CLCF1: variants seen among roughly 807,000 people sequenced by gnomAD.
CLCF1 encodes cardiotrophin-like cytokine factor 1.
Under a neutral mutation model 21.2 loss-of-function variants are expected in CLCF1, and 10 were observed. That is an observed-to-expected ratio of 0.47 (90% CI 0.29 to 0.80). CLCF1 has a LOEUF of 0.80. CLCF1 is among the 30% of genes least tolerant of loss of function. The probability of loss-of-function intolerance (pLI) is 0.09; values close to 1 mark genes in which losing one functional copy is unlikely to be tolerated. For synonymous variants in CLCF1, 115 were observed against 120.5 expected, an observed-to-expected ratio of 0.95 and a Z score of 0.30; for missense variants, 240 against 293.4, an observed-to-expected ratio of 0.82 and a Z score of 1.33.
chr11:67,365,502 G>A lies in CLCF1; in HGVS notation c.312C>T (p.Thr104=), dbSNP rs1258616822. 1.9e-6 allele frequency: 3 copies of A among 1,614,010 alleles called. No individual in the cohort carries two copies. The highest frequency in any genetic ancestry group is 2.5e-6 in the Non-Finnish European group (3 of 1,179,978). ...GGTGGCTGTAGGCCTCGTAGTTCTG[G>A]GTCAGCCGCAGTTTGTCATTGAGGC... ...WRSLNDKLRL[T]QNYEAYSHLL... Residue 104 remains threonine, a synonymous_variant, in exon 3 of 3, where the codon ACC becomes ACT. Transcript: ENST00000312438. The surrounding 1 kb of genome is among the most constrained non-coding windows in gnomAD (Gnocchi z 5.0).
rs372255151 is a variant in CLCF1, at chr11:67,367,501, G to C, written c.142C>G (p.Arg48Gly). ...CTGCGGAGTTGGTGCTCCAGGTAGC[G>C]GGTGAGGTCATAGGTTTTCTGGATG... is the stretch of plus-strand genomic sequence containing the variant. ...PSIQKTYDLTRYLEHQLRSLA... is the reference protein window; with the variant it reads ...PSIQKTYDLTGYLEHQLRSLA... Residue 48 changes from arginine (R) to glycine (G), a missense_variant, in exon 2 of 3, where the codon CGC becomes GGC. Coordinates refer to ENST00000312438, the MANE Select transcript of CLCF1 (RefSeq NM_013246.3). 1 of 1,614,224 alleles carries C rather than the reference G, an allele frequency of 6.2e-7. No homozygotes were observed. The highest frequency in any genetic ancestry group is 8.5e-7 in the Non-Finnish European group (1 of 1,180,030).
At chr11:67,366,822 G>T (rs1009414818) in intron 2 of CLCF1, among the ~76,000 whole-genome samples, 4 of 152,110 alleles carry the variant, frequency 2.6e-5, no homozygotes, top group African/African-American at 4.8e-5. Flanking sequence ...GGAAGAGGGG[G>T]CCGGTTCCCC....
chr11:67,365,484 G>A lies in CLCF1; in HGVS notation c.330C>T (p.Tyr110=). The A allele has an allele frequency of 6.2e-7, 1 of 1,614,136 alleles. No individual in the cohort carries two copies. Among genetic ancestry groups the A allele is most frequent in the Non-Finnish European group, 8.5e-7 (1 of 1,179,968 alleles). ...KLRLTQNYEA[Y]SHLLCYLRGL... Reference sequence around the variant, plus strand: ...CACGCAAGTAACACAGAAGGTGGCTGTAGGCCTCGTAGTTCTGGGTCAGCC... The same window carrying A: ...CACGCAAGTAACACAGAAGGTGGCTATAGGCCTCGTAGTTCTGGGTCAGCC... Residue 110 remains tyrosine (Y), a synonymous_variant, in exon 3 of 3, where the codon TAC becomes TAT. Transcript: ENST00000312438. The surrounding 1 kb of genome is among the most constrained non-coding windows in gnomAD (Gnocchi z 5.0).
chr11:67,368,910 TC>T (rs1268619844), intron 1 of CLCF1: 5 of 872,306 alleles, frequency 5.7e-6, no homozygotes, highest in African/African-American at 2.9e-5. Context: ...TCTTTTTTTT[TC>T]CTTTTTTTTT....
At chr11:67,371,561 C>G (rs376939775) in intron 1 of CLCF1, among the ~76,000 whole-genome samples, 13 of 152,158 alleles carry the variant, frequency 8.5e-5, no homozygotes, top group African/African-American at 3.1e-4. Flanking sequence ...AGGAGTTGGG[C>G]TTTGGCTGGA....
At position 67,365,798 on chromosome 11, in the gene CLCF1, A is replaced by T. The variant is rs1207631792; in HGVS notation, c.184-168T>A. ...CTCCCTGAGTTTTTCCAATAAGGAT[A>T]TCATTTGTATGCAGGTGACAGTTGA... On this transcript the variant is annotated intron_variant, in intron 2 of 2. Coordinates refer to ENST00000312438, the MANE Select transcript of CLCF1 (RefSeq NM_013246.3). This position sits in a 1 kb window ranked among gnomAD's most constrained non-coding sequence, Gnocchi z 5.0. Among the ~76,000 whole-genome samples, 2 of 152,202 alleles carry T rather than the reference A, an allele frequency of 1.3e-5. No individual in the cohort carries two copies. The highest frequency in any genetic ancestry group is 4.8e-5 in the African/African-American group (2 of 41,456).
chr11:67,372,928 G>A lies in CLCF1; in HGVS notation c.16+596C>T, dbSNP rs2134903937. Among the ~76,000 whole-genome samples, 1 of 150,090 alleles carries A rather than the reference G, an allele frequency of 6.7e-6. No homozygotes were observed. The highest frequency in any genetic ancestry group is 3.4e-3 in the Middle Eastern group (1 of 292). On this transcript the variant is annotated intron_variant, in intron 1 of 2. Coordinates refer to ENST00000312438, the MANE Select transcript of CLCF1 (RefSeq NM_013246.3). The surrounding 1 kb of genome is among the most constrained non-coding windows in gnomAD (Gnocchi z 5.9). ...TTCCGGCCGCGCGGCGCGTAGCTAG[G>A]AAGCCGCGAGTCCCGCGGCGCGGCT...
At position 67,372,324 on chromosome 11, in the gene CLCF1, A is replaced by C. The variant is rs1236294298; in HGVS notation, c.16+1200T>G. On this transcript the variant is annotated intron_variant, in intron 1 of 2. Coordinates refer to ENST00000312438, the MANE Select transcript of CLCF1 (RefSeq NM_013246.3). The surrounding 1 kb of genome is among the most constrained non-coding windows in gnomAD (Gnocchi z 5.9). ...GCTGGGGGAACAGGGGTCCTCTGGG[A>C]TTGGGAGGGTCTGTGGGGAGGGCTC... 1.3e-5 allele frequency among the ~76,000 whole-genome samples: 2 copies of C among 151,462 alleles called. No homozygotes were observed. The highest frequency in any genetic ancestry group is 4.9e-5 in the African/African-American group (2 of 41,220).
chr11:67,371,422 C>T (rs926129055), intron 1 of CLCF1, among the ~76,000 whole-genome samples: 1 of 151,964 alleles, frequency 6.6e-6, no homozygotes, highest in African/African-American at 2.4e-5. Flanking sequence ...CTCTCCTCTC[C>T]TCTCCAGCAT....
At chr11:67,367,662 C>G in intron 1 of CLCF1, 36 bp from the exon 2 acceptor site, 1 of 1,603,558 alleles carries the variant, frequency 6.2e-7, no homozygotes, top group Non-Finnish European at 8.5e-7. Context: ...TGAGCGCGGC[C>G]CGGGCCCACA....
In CLCF1 at chr11:67,365,206, T is replaced by C. The variant is rs369390178; in HGVS notation, c.608A>G (p.Asn203Ser). Residue 203 changes from asparagine to serine, a missense_variant, in exon 3 of 3, where the codon AAC becomes AGC. Coordinates refer to ENST00000312438, the MANE Select transcript of CLCF1 (RefSeq NM_013246.3). The surrounding 1 kb of genome is among the most constrained non-coding windows in gnomAD (Gnocchi z 5.0). ...AGGCTGCATCTTCTTCTTGAGCCGGTTGAAGTCCTTGGCCGAGCGCCACAG... is the reference window on the plus strand; with the variant it reads ...AGGCTGCATCTTCTTCTTGAGCCGGCTGAAGTCCTTGGCCGAGCGCCACAG... ...TWLWRSAKDF[N>S]RLKKKMQPPA... 12 of 1,613,984 alleles carry C rather than the reference T, an allele frequency of 7.4e-6. No individual in the cohort carries two copies. Among genetic ancestry groups the C allele is most frequent in the African/African-American group, 4.0e-5 (3 of 75,036 alleles).
rs75848110 is a variant in CLCF1, at chr11:67,371,436, C to G, written c.16+2088G>C. Among the ~76,000 whole-genome samples the G allele has an allele frequency of 7.6e-3, 1,151 of 152,350 alleles. 13 individuals carry two copies. The highest frequency in any genetic ancestry group is 0.026 in the African/African-American group (1,077 of 41,570). On this transcript the variant is annotated intron_variant, in intron 1 of 2. Coordinates refer to ENST00000312438, the MANE Select transcript of CLCF1 (RefSeq NM_013246.3). ...TCTCTCCTCTCCTCTCCAGCATCCC[C>G]CTTTGTGCCCTTCTCCTCCAGCCTA...
intron 1 of CLCF1, chr11:67,367,933 T>G: frequency 2.0e-6 from 2 of 985,390 alleles, no homozygotes; most frequent in Non-Finnish European, 2.4e-6. Flanking sequence ...TGTGCCAACA[T>G]GTATATGTGT....
chr11:67,367,462 A>G lies in CLCF1; in HGVS notation c.181T>C (p.Tyr61His). 1 of 1,614,212 alleles carries G rather than the reference A, an allele frequency of 6.2e-7. No homozygotes were observed. Residue 61 changes from tyrosine to histidine, a missense_variant and splice_region_variant, in exon 2 of 3, where the codon TAT becomes CAT. Coordinates refer to ENST00000312438, the MANE Select transcript of CLCF1 (RefSeq NM_013246.3). ...AGATTCCTACGCTGGATACTCACAT[A>G]GGTCCCAGCCAAGCTGCGGAGTTGG... Reference protein sequence around the residue: ...EHQLRSLAGTYLNYLGPPFNE... With the variant: ...EHQLRSLAGTHLNYLGPPFNE...
In CLCF1 at chr11:67,367,450, G is replaced by A. The variant is rs750104329; in HGVS notation, c.183+10C>T. 1.2e-6 allele frequency: 2 copies of A among 1,614,170 alleles called. No individual in the cohort carries two copies. Among genetic ancestry groups the A allele is most frequent in the East Asian group, 2.2e-5 (1 of 44,892 alleles). On this transcript the variant is annotated intron_variant, in intron 2 of 2. Coordinates refer to ENST00000312438, the MANE Select transcript of CLCF1 (RefSeq NM_013246.3). ...TCCCCAACTCCCAGATTCCTACGCT[G>A]GATACTCACATAGGTCCCAGCCAAG...
chr11:67,369,685 G>T (rs1023777810), intron 1 of CLCF1: 1 of 985,440 alleles, frequency 1.0e-6, no homozygotes, highest in Non-Finnish European at 1.2e-6. Flanking sequence ...AGTTAGTGGC[G>T]AGACCAAGGG....
At chr11:67,368,940 T>G in intron 1 of CLCF1, 2 of 879,098 alleles carry the variant, frequency 2.3e-6, no homozygotes, top group Non-Finnish European at 1.3e-6. Flanking sequence ...TGCTGCCACC[T>G]TCTCTTTCCA....
Position 67,365,736 on chromosome 11 carries a change from T to G in CLCF1, c.184-106A>C. On this transcript the variant is annotated intron_variant, in intron 2 of 2. Transcript: ENST00000312438. This position sits in a 1 kb window ranked among gnomAD's most constrained non-coding sequence, Gnocchi z 5.0. ...TTCTATTTTTTGTGTCCCCTGACACTGGCCCTGTCTCCATGCTAGGCTTCT... is the reference window on the plus strand; with the variant it reads ...TTCTATTTTTTGTGTCCCCTGACACGGGCCCTGTCTCCATGCTAGGCTTCT... 6.8e-7 allele frequency: 1 copy of G among 1,466,140 alleles called. No homozygotes were observed. Among genetic ancestry groups the G allele is most frequent in the South Asian group, 1.4e-5 (1 of 71,244 alleles). The allele number at this position is 1,466,140 out of a possible 1,614,324, so 90.8% of individuals were successfully genotyped here.
intron 2 of CLCF1, among the ~76,000 whole-genome samples, chr11:67,367,248 C>T (rs756252962): frequency 7.2e-5 from 11 of 152,276 alleles, no homozygotes; most frequent in Non-Finnish European, 1.5e-4. Context: ...GGGTGCGAGG[C>T]CTGCCCACAT....
Sources: allele counts gnomAD v4.1 joint callset (sites outside exome capture counted in the v4.1 genomes callset), GRCh38; gene constraint gnomAD v4.1.1; non-coding constraint Gnocchi (gnomAD v3.1); transcripts MANE v1.5; gene names NCBI Gene and HGNC (gene_info 2026-07-23, HGNC 2026-07-21).